Variants in APLF observed in about 807,000 individuals in gnomAD.
APLF encodes aprataxin and PNKP like factor.
A neutral mutation model predicts 55.6 loss-of-function variants in APLF; 61 were observed. The ratio of observed to expected loss-of-function variants is 1.10; its 90% CI spans 0.89 to 1.36. The LOEUF (loss-of-function observed/expected upper bound fraction) is 1.36, where lower values mean the gene tolerates loss of function less well. Among genes scored for constraint, APLF ranks in the 40% most tolerant of loss-of-function variants. The pLI is 0.00. For missense variants in APLF, 611 were observed against 602.5 expected (o/e 1.01, Z -0.15); for synonymous variants, 207 against 214.8 (o/e 0.96, Z 0.32).
At chr2:68,505,184 A>T (rs758034394) in intron 3 of APLF, among the ~76,000 whole-genome samples, 3 of 152,070 alleles carry the variant, frequency 2.0e-5, no homozygotes, top group African/African-American at 7.2e-5. Context: ...CTTATCATAC[A>T]TGTATGAAGC....
chr2:68,564,436 G>A (rs1671243696), intron 8 of APLF, among the ~76,000 whole-genome samples: 1 of 152,034 alleles, frequency 6.6e-6, no homozygotes, highest in African/African-American at 2.4e-5. Context: ...TGTAGGAAAA[G>A]TTACCAGAAA....
Position 68,521,786 on chromosome 2 carries a change from C to T in APLF, c.623-4275C>T, listed in dbSNP as rs569080947. Among the ~76,000 whole-genome samples the T allele has an allele frequency of 1.9e-4, 29 of 152,058 alleles. 1 individual carries two copies. Among genetic ancestry groups the T allele is most frequent in the Admixed American group, 1.7e-3 (26 of 15,244 alleles). ...ACATGCTGATGAAGATTGAACTAGT[C>T]CCCATACTGTTTGGCTTGCATTTAA... On this transcript the variant is annotated intron_variant, in intron 5 of 9. Coordinates refer to ENST00000303795, the MANE Select transcript of APLF (RefSeq NM_173545.3).
chr2:68,539,636 T>G (rs974150479), intron 7 of APLF, among the ~76,000 whole-genome samples: 5 of 152,234 alleles, frequency 3.3e-5, no homozygotes, highest in Non-Finnish European at 5.9e-5. Flanking sequence ...CATAACACAA[T>G]TTAAAAGAGA....
chr2:68,568,117 T>C, intron 9 of APLF: 1 of 200,812 alleles, frequency 5.0e-6, no homozygotes, highest in Non-Finnish European at 8.9e-6. Flanking sequence ...GAAGCAACCA[T>C]CAAATGTCCT....
intron 6 of APLF, among the ~76,000 whole-genome samples, chr2:68,536,042 G>A (rs1227471935): frequency 6.6e-6 from 1 of 152,204 alleles, no homozygotes; most frequent in Non-Finnish European, 1.5e-5. Context: ...GAAAACTGGG[G>A]AGAACTGACC....
At chr2:68,504,468 AG>A (rs1180837135) in intron 3 of APLF, among the ~76,000 whole-genome samples, 16 of 152,078 alleles carry the variant, frequency 1.1e-4, no homozygotes, top group Admixed American at 9.8e-4. Context: ...AAGGGATACA[AG>A]GTTAGTTTAT....
At chr2:68,527,618 G>A (rs1670104969) in intron 6 of APLF, among the ~76,000 whole-genome samples, 1 of 149,414 alleles carries the variant, frequency 6.7e-6, no homozygotes, top group African/African-American at 2.5e-5. Context: ...TCGCAGACAG[G>A]ATGGCAGCCG....
At chr2:68,567,465 T>C (rs528203653) in intron 9 of APLF, 78 bp downstream of exon 9, 2 of 1,150,428 alleles carry the variant, frequency 1.7e-6, no homozygotes, top group Admixed American at 2.5e-5. Flanking sequence ...CCAGTTATTA[T>C]GAAAATATTT....
intron 6 of APLF, among the ~76,000 whole-genome samples, chr2:68,536,003 T>C (rs1290128251): frequency 6.6e-6 from 1 of 152,218 alleles, no homozygotes; most frequent in Non-Finnish European, 1.5e-5. Context: ...TTTGCTGATC[T>C]GCTCCACTGC....
intron 7 of APLF, 115 bp from the exon 8 acceptor site, chr2:68,545,072 G>C: frequency 1.6e-6 from 2 of 1,223,854 alleles, no homozygotes; most frequent in Non-Finnish European, 2.3e-6. Context: ...AATGTAGCAT[G>C]TTGGTTTATG....
rs1373876276 is a variant in APLF at position 68,482,935 on chromosome 2, T to C, written c.97-7255T>C. 2.0e-5 allele frequency among the ~76,000 whole-genome samples: 3 copies of C among 152,020 alleles called. No individual in the cohort carries two copies. The East Asian group carries it at 5.8e-4, about 29-fold the overall frequency. ...GTTTCTGCAGCTGGAGGTGTAGGCA[T>C]GTGGTGTTTTGGCCAGCCTGGGGTT... is the stretch of plus-strand genomic sequence containing the variant. On this transcript the variant is annotated intron_variant, in intron 1 of 9. Transcript: ENST00000303795.
Position 68,529,501 on chromosome 2 carries a change from G to C in APLF, c.804+3259G>C. 1 of 1,030,558 alleles carries C rather than the reference G, an allele frequency of 9.7e-7. No homozygotes were observed. The highest frequency in any genetic ancestry group is 4.9e-5 in the Admixed American group (1 of 20,424). 63.8% of individuals were successfully genotyped at this position (1,030,558 alleles called of 1,614,324 possible). A position where few individuals can be genotyped will look rare whatever the true frequency, so the allele number is the denominator to read the frequency against. ...TGTGCACAGACGAAACTAAGGGTCA[G>C]AAGCGGAGAGGATACTCCTAAGTCA... is the stretch of plus-strand genomic sequence containing the variant. On this transcript the variant is annotated intron_variant, in intron 6 of 9. Coordinates refer to ENST00000303795, the MANE Select transcript of APLF (RefSeq NM_173545.3). This position sits in a 1 kb window ranked among gnomAD's most constrained non-coding sequence, Gnocchi z 4.4.
intron 3 of APLF, among the ~76,000 whole-genome samples, chr2:68,507,511 T>A (rs1676901867): frequency 6.6e-6 from 1 of 151,982 alleles, no homozygotes; most frequent in African/African-American, 2.4e-5. Context: ...TACATATGTG[T>A]CTATGAAATT....
intron 6 of APLF, among the ~76,000 whole-genome samples, chr2:68,532,531 AT>A (rs1250790030): frequency 6.6e-5 from 10 of 152,206 alleles, no homozygotes; most frequent in Admixed American, 6.5e-4. Flanking sequence ...CCAAGGTCAC[AT>A]TGTTAGGAAA....
At chr2:68,499,496 G>A (rs376512735) in intron 2 of APLF, among the ~76,000 whole-genome samples, 3 of 152,162 alleles carry the variant, frequency 2.0e-5, no homozygotes, top group African/African-American at 7.2e-5. Context: ...ATTATTGATT[G>A]TACTTCTGAA....
At chr2:68,519,032 AT>A (rs1669799628) in intron 5 of APLF, among the ~76,000 whole-genome samples, 2 of 125,690 alleles carry the variant, frequency 1.6e-5, no homozygotes, top group African/African-American at 6.2e-5. Flanking sequence ...ATAATATATG[AT>A]TAATATATAA....
At chr2:68,472,481 C>G (rs964100847) in intron 1 of APLF, among the ~76,000 whole-genome samples, 2 of 152,120 alleles carry the variant, frequency 1.3e-5, no homozygotes, top group Admixed American at 1.3e-4. Flanking sequence ...CATGACTCCC[C>G]AGACCCCTTA....
intron 6 of APLF, 46 bp from the exon 7 acceptor site, chr2:68,537,826 A>G (rs1172008776): frequency 7.2e-7 from 1 of 1,380,896 alleles, no homozygotes; most frequent in Non-Finnish European, 9.9e-7. Flanking sequence ...ATATCTTTTT[A>G]AAAATGTTTC....
intron 6 of APLF, among the ~76,000 whole-genome samples, chr2:68,537,204 T>C (rs908852192): frequency 1.5e-4 from 23 of 152,080 alleles, no homozygotes; most frequent in Non-Finnish European, 2.6e-4. Flanking sequence ...CCGTGCATGT[T>C]AAGAACATGA....
Sources: allele counts gnomAD v4.1 joint callset (sites outside exome capture counted in the v4.1 genomes callset), GRCh38; gene constraint gnomAD v4.1.1; non-coding constraint Gnocchi (gnomAD v3.1); transcripts MANE v1.5; gene names NCBI Gene and HGNC (gene_info 2026-07-23, HGNC 2026-07-21).